PTPRD: variants seen among roughly 807,000 people sequenced by gnomAD.
The protein encoded by PTPRD is protein tyrosine phosphatase receptor type D.
A neutral mutation model predicts 214.5 loss-of-function variants in PTPRD; 34 were observed. That is an observed-to-expected ratio of 0.16 (90% CI 0.12 to 0.21). The LOEUF (loss-of-function observed/expected upper bound fraction) is 0.21, where lower values mean the gene tolerates loss of function less well. Ranked by LOEUF, PTPRD falls within the 10% of genes least tolerant of loss-of-function variation. The probability of loss-of-function intolerance (pLI) is 1.00; values close to 1 mark genes in which losing one functional copy is unlikely to be tolerated. For missense variants in PTPRD, 2,545 were observed against 2,398.7 expected (o/e 1.06, Z -1.27); for synonymous variants, 1,128 against 845.7 (o/e 1.33, Z -5.79).
At chr9:9,743,561 A>G (rs2098425883) in intron 6 of PTPRD, among the ~76,000 whole-genome samples, 1 of 152,014 alleles carries the variant, frequency 6.6e-6, no homozygotes, top group African/African-American at 2.4e-5. Flanking sequence ...TTTCTCTGGT[A>G]CCATAAATCA....
chr9:9,121,225 G>A (rs2099817297), intron 10 of PTPRD, among the ~76,000 whole-genome samples: 1 of 152,138 alleles, frequency 6.6e-6, no homozygotes, highest in Non-Finnish European at 1.5e-5. Context: ...CTCCATTCTT[G>A]TAATGTAAAC....
chr9:9,984,056 CTTT>C (rs1055205877), intron 4 of PTPRD, among the ~76,000 whole-genome samples: 1 of 151,886 alleles, frequency 6.6e-6, no homozygotes, highest in Non-Finnish European at 1.5e-5. Context: ...GGAAAAATGA[CTTT>C]TTAATTGTTT....
intron 32 of PTPRD, among the ~76,000 whole-genome samples, chr9:8,464,430 A>T (rs1259665496): frequency 1.3e-5 from 2 of 151,988 alleles, no homozygotes; most frequent in African/African-American, 4.8e-5. Context: ...TCTGAGCACA[A>T]AGGTAAACCA....
At chr9:10,457,498 G>A (rs2098927297) in intron 2 of PTPRD, among the ~76,000 whole-genome samples, 1 of 151,914 alleles carries the variant, frequency 6.6e-6, no homozygotes, top group Admixed American at 6.6e-5. Flanking sequence ...TCCATTTTAA[G>A]AATACACCAC....
chr9:10,122,533 C>T (rs78888186), intron 3 of PTPRD, among the ~76,000 whole-genome samples: 2,958 of 151,876 alleles, frequency 0.019, 82 homozygotes, highest in African/African-American at 0.066. Context: ...GAAAAAAAAA[C>T]ATCCTTTTGG....
At chr9:8,521,693 T>C (rs780360074) in intron 19 of PTPRD, 147 bp from the exon 20 acceptor site, 15 of 856,162 alleles carry the variant, frequency 1.8e-5, no homozygotes, top group Non-Finnish European at 2.5e-5. Flanking sequence ...AAACTGTGGA[T>C]AATACAGACC....
chr9:9,603,753 G>A (rs941057646), intron 7 of PTPRD, among the ~76,000 whole-genome samples: 2 of 152,106 alleles, frequency 1.3e-5, no homozygotes, highest in African/African-American at 2.4e-5. Context: ...CATGAATCAA[G>A]TCCCTGGTGG....
At chr9:9,317,663 C>T (rs1191585994) in intron 9 of PTPRD, among the ~76,000 whole-genome samples, 1 of 152,058 alleles carries the variant, frequency 6.6e-6, no homozygotes, top group East Asian at 1.9e-4. Context: ...AAAAAAATTT[C>T]AGTTTTGATT....
intron 8 of PTPRD, among the ~76,000 whole-genome samples, chr9:9,565,406 G>T (rs2084205233): frequency 6.6e-6 from 1 of 151,798 alleles, no homozygotes; most frequent in South Asian, 2.1e-4. Context: ...TGTATTGAAT[G>T]ATGTAATCTA....
intron 5 of PTPRD, among the ~76,000 whole-genome samples, chr9:9,840,761 C>CAAAAAAAAAAAA (rs59780411): frequency 6.5e-5 from 4 of 61,622 alleles, no homozygotes; most frequent in African/African-American, 1.5e-4. Flanking sequence ...GACTCCGTTT[C>CAAAAAAAAAAAA]AAAAAAAAAA....
intron 35 of PTPRD, among the ~76,000 whole-genome samples, chr9:8,415,548 G>A (rs1320982784): frequency 7.1e-6 from 1 of 141,248 alleles, no homozygotes; most frequent in Non-Finnish European, 1.5e-5. Context: ...AATTTTTAAT[G>A]CTTTGGAAGT....
chr9:9,413,119 T>TTTTTC (rs2075984222), intron 8 of PTPRD, among the ~76,000 whole-genome samples: 1 of 123,064 alleles, frequency 8.1e-6, no homozygotes, highest in South Asian at 3.0e-4. Context: ...TTTTTTTTTT[T>TTTTTC]TTTTTTGAGA....
chr9:8,787,913 C>T lies in PTPRD; in HGVS notation c.-103-53967G>A, dbSNP rs544179393. On this transcript the variant is annotated intron_variant, in intron 11 of 45. Coordinates refer to ENST00000381196, the MANE Select transcript of PTPRD (RefSeq NM_002839.4). ...AAGGAAGCATTTTGCACCCTATCAC[C>T]TTTTTTTAAAACTCATTTTAACCCT... Among the ~76,000 whole-genome samples, 11 of 136,598 alleles carry T rather than the reference C, an allele frequency of 8.1e-5. No individual in the cohort carries two copies. The South Asian group carries it at 2.6e-3, about 32-fold the overall frequency. 89.6% of individuals were successfully genotyped at this position (136,598 alleles called of 152,430 possible).
intron 3 of PTPRD, among the ~76,000 whole-genome samples, chr9:10,091,221 G>C (rs977517895): frequency 6.6e-6 from 1 of 151,486 alleles, no homozygotes; most frequent in Admixed American, 6.6e-5. Flanking sequence ...CATAATTTGA[G>C]ATAATCTTTT....
intron 10 of PTPRD, among the ~76,000 whole-genome samples, chr9:9,065,118 T>C (rs1380255617): frequency 6.6e-5 from 10 of 152,138 alleles, no homozygotes; most frequent in Admixed American, 6.6e-4. Context: ...AAAAATCTCT[T>C]CCCTTTTGGA....
At chr9:9,136,607 T>C (rs1041360291) in intron 10 of PTPRD, among the ~76,000 whole-genome samples, 1 of 152,198 alleles carries the variant, frequency 6.6e-6, no homozygotes, top group Non-Finnish European at 1.5e-5. Flanking sequence ...AAATTAATTC[T>C]CTTTTAGTAA....
intron 11 of PTPRD, among the ~76,000 whole-genome samples, chr9:8,852,282 AT>A (rs1402035507): frequency 2.0e-5 from 3 of 152,242 alleles, no homozygotes; most frequent in Non-Finnish European, 4.4e-5. Context: ...ACAATTGAGA[AT>A]TTATAAATTT....
At chr9:8,636,538 T>G (rs1015343590) in intron 13 of PTPRD, among the ~76,000 whole-genome samples, 161 bp downstream of exon 13, 1 of 152,182 alleles carries the variant, frequency 6.6e-6, no homozygotes, top group South Asian at 2.1e-4. Flanking sequence ...ATTTCCTTTT[T>G]TAAAAAGCCA....
chr9:9,973,116 C>T (rs867086773), intron 4 of PTPRD, among the ~76,000 whole-genome samples: 4 of 151,094 alleles, frequency 2.6e-5, no homozygotes, highest in African/African-American at 4.9e-5. Context: ...ATAGTCATTT[C>T]TCTCTCTCTC....
Sources: allele counts gnomAD v4.1 joint callset (sites outside exome capture counted in the v4.1 genomes callset), GRCh38; gene constraint gnomAD v4.1.1; transcripts MANE v1.5; gene names NCBI Gene and HGNC (gene_info 2026-07-23, HGNC 2026-07-21).